The following NIBAN1 variants were observed in gnomAD, a reference collection of about 807,000 sequenced individuals.
The protein encoded by NIBAN1 is protein Niban 1.
NIBAN1 carries 81 observed loss-of-function variants against 75.1 expected under a neutral mutation model. The ratio of observed to expected loss-of-function variants is 1.08; its 90% CI spans 0.90 to 1.30. NIBAN1 has a LOEUF of 1.30. Among genes scored for constraint, NIBAN1 ranks in the 50% most tolerant of loss-of-function variants. The probability of loss-of-function intolerance (pLI) is 0.00; values close to 1 mark genes in which losing one functional copy is unlikely to be tolerated. For synonymous variants in NIBAN1, 436 were observed against 424.8 expected (o/e 1.03, Z -0.32); for missense variants, 1,133 against 1,128.1 (o/e 1.00, Z -0.06).
chr1:184,806,779 T>C (rs1297446361), intron 10 of NIBAN1, among the ~76,000 whole-genome samples: 2 of 151,112 alleles, frequency 1.3e-5, no homozygotes, highest in East Asian at 3.9e-4. Context: ...TTTTTTTTTT[T>C]TTTTGAGACA....
In NIBAN1 at chr1:184,792,862, G is replaced by C. The variant is rs1433144883; in HGVS notation, c.*2115C>G. 3 of 152,242 alleles carry C rather than the reference G, an allele frequency of 2.0e-5. No homozygotes were observed. Among genetic ancestry groups the C allele is most frequent in the Non-Finnish European group, 4.4e-5 (3 of 68,066 alleles). The allele number at this position is 152,242 out of a possible 1,614,324, so 9.4% of individuals were successfully genotyped here. A position where few individuals can be genotyped will look rare whatever the true frequency, so the allele number is the denominator to read the frequency against. ...AAGCACAAATGATGACTAAACCCTA[G>C]TTTCTGTCTTTTAAGAGAGGAGCCA... On this transcript the variant is annotated 3_prime_UTR_variant, in exon 14 of 14. Transcript: ENST00000367511.
At chr1:184,881,563 G>A (rs1052747355) in intron 5 of NIBAN1, among the ~76,000 whole-genome samples, 11 of 152,326 alleles carry the variant, frequency 7.2e-5, no homozygotes, top group African/African-American at 2.6e-4. Context: ...TTCAGGGCGA[G>A]TGCACAGTGC....
At chr1:184,852,520 C>A (rs937130153) in intron 5 of NIBAN1, among the ~76,000 whole-genome samples, 1 of 152,184 alleles carries the variant, frequency 6.6e-6, no homozygotes, top group African/African-American at 2.4e-5. Context: ...CCACTATTTC[C>A]ACTTCTGCTT....
intron 1 of NIBAN1, among the ~76,000 whole-genome samples, chr1:184,920,075 G>A (rs536632682): frequency 1.3e-5 from 2 of 152,216 alleles, no homozygotes; most frequent in East Asian, 3.9e-4. Context: ...ACTTTAAAGA[G>A]GAAGTGGGTT....
chr1:184,803,835 T>A lies in NIBAN1; in HGVS notation c.1447-143A>T, dbSNP rs890197361. On this transcript the variant is annotated intron_variant, in intron 11 of 13. Transcript: ENST00000367511. ...GTATTTCCAAGGCCTCAGAGATCTTTCCATGTAATTCCCTCACACTGCAGG... is the reference window on the plus strand; with the variant it reads ...GTATTTCCAAGGCCTCAGAGATCTTACCATGTAATTCCCTCACACTGCAGG... The A allele has an allele frequency of 6.1e-6, 4 of 655,924 alleles. No homozygotes were observed. In the African/African-American group the frequency reaches 7.2e-5, roughly 12 times the overall value. 40.6% of individuals were successfully genotyped at this position (655,924 alleles called of 1,614,324 possible). A position where few individuals can be genotyped will look rare whatever the true frequency, so the allele number is the denominator to read the frequency against.
At chr1:184,801,988 T>C (rs1202590565) in intron 12 of NIBAN1, among the ~76,000 whole-genome samples, 1 of 152,188 alleles carries the variant, frequency 6.6e-6, no homozygotes, top group African/African-American at 2.4e-5. Context: ...GGAGTCAGAA[T>C]CATTTTTTTC....
At chr1:184,929,426 C>G (rs1029468066) in intron 1 of NIBAN1, among the ~76,000 whole-genome samples, 5 of 152,114 alleles carry the variant, frequency 3.3e-5, no homozygotes, top group Non-Finnish European at 7.4e-5. Flanking sequence ...TGTTCAAGTA[C>G]CCCAAAATCA....
chr1:184,797,872 G>A (rs1653919868), intron 13 of NIBAN1, among the ~76,000 whole-genome samples: 1 of 152,180 alleles, frequency 6.6e-6, no homozygotes, highest in African/African-American at 2.4e-5. Flanking sequence ...AACATCTAAA[G>A]TGCCAGCTTT....
At chr1:184,840,867 T>C (rs1655267859) in intron 5 of NIBAN1, among the ~76,000 whole-genome samples, 1 of 151,828 alleles carries the variant, frequency 6.6e-6, no homozygotes, top group South Asian at 2.1e-4. Flanking sequence ...TCATGGGTGC[T>C]GGGTAAAGGG....
intron 13 of NIBAN1, among the ~76,000 whole-genome samples, chr1:184,797,366 T>C (rs1436883443): frequency 6.6e-6 from 1 of 152,072 alleles, no homozygotes; most frequent in Non-Finnish European, 1.5e-5. Context: ...GGTCTTGAAC[T>C]CCTGACCTCA....
At chr1:184,897,277 A>AGTGTGT (rs34548568) in intron 2 of NIBAN1, among the ~76,000 whole-genome samples, 2,209 of 132,648 alleles carry the variant, frequency 0.017, 50 homozygotes, top group African/African-American at 0.051. Context: ...TGTACTCCTA[A>AGTGTGT]GTGTGTGTGT....
intron 1 of NIBAN1, among the ~76,000 whole-genome samples, chr1:184,904,748 C>G (rs1177851609): frequency 6.6e-6 from 1 of 152,118 alleles, no homozygotes. Flanking sequence ...GTCAAGAGTT[C>G]AAGACCAGCC....
At chr1:184,872,563 T>C (rs970926309) in intron 5 of NIBAN1, among the ~76,000 whole-genome samples, 1 of 151,960 alleles carries the variant, frequency 6.6e-6, no homozygotes, top group African/African-American at 2.4e-5. Flanking sequence ...AAAAATTAGC[T>C]GGGCATGGTG....
At chr1:184,860,796 C>T (rs1348685910) in intron 5 of NIBAN1, among the ~76,000 whole-genome samples, 4 of 152,150 alleles carry the variant, frequency 2.6e-5, no homozygotes, top group Non-Finnish European at 5.9e-5. Context: ...TTACAAACAC[C>T]ACACCATAAT....
intron 6 of NIBAN1, among the ~76,000 whole-genome samples, chr1:184,829,793 G>C (rs529758424): frequency 1.8e-4 from 28 of 152,224 alleles, no homozygotes; most frequent in African/African-American, 6.5e-4. Context: ...TGGCATCATG[G>C]AGGAATGTAA....
chr1:184,897,742 C>T (rs1266311251), intron 2 of NIBAN1, among the ~76,000 whole-genome samples: 1 of 152,182 alleles, frequency 6.6e-6, no homozygotes. Flanking sequence ...AAGGCAACTC[C>T]ATCCACTTAT....
Position 184,799,996 on chromosome 1 carries a change from C to T in NIBAN1, c.1555-1806G>A, listed in dbSNP as rs550430309. On this transcript the variant is annotated intron_variant, in intron 12 of 13. Transcript: ENST00000367511. ...TCCTGACCTCGTGATCCGCCCGCCT[C>T]GGCCTCCCAAAGTGCTGGGATTACA... 1.4e-3 allele frequency among the ~76,000 whole-genome samples: 139 copies of T among 101,110 alleles called. 49 individuals carry two copies. The highest frequency in any genetic ancestry group is 4.5e-3 in the African/African-American group (87 of 19,362). The allele number at this position is 101,110 out of a possible 152,430, so 66.3% of individuals were successfully genotyped here. A position where few individuals can be genotyped will look rare whatever the true frequency, so the allele number is the denominator to read the frequency against.
At chr1:184,807,050 G>A (rs922296390) in intron 10 of NIBAN1, among the ~76,000 whole-genome samples, 1 of 152,144 alleles carries the variant, frequency 6.6e-6, no homozygotes, top group Non-Finnish European at 1.5e-5. Flanking sequence ...GATTACAGGC[G>A]TGAGCCACTG....
chr1:184,875,369 G>A (rs1656205175), intron 5 of NIBAN1, among the ~76,000 whole-genome samples: 1 of 152,188 alleles, frequency 6.6e-6, no homozygotes. Flanking sequence ...CTCTCATGAA[G>A]CTGCAGTCAC....
Sources: gnomAD v4.1 joint callset for allele counts (sites outside exome capture counted in the v4.1 genomes callset) on GRCh38, gnomAD v4.1.1 for gene constraint, MANE v1.5 for transcripts, NCBI Gene and HGNC (gene_info 2026-07-23, HGNC 2026-07-21) for gene names.